The following RHOBTB1 variants were observed in gnomAD, a reference collection of about 807,000 sequenced individuals.
RHOBTB1 encodes the protein Rho related BTB domain containing 1.
In RHOBTB1, 40 loss-of-function variants were observed where a neutral mutation model predicts 71.6. The ratio of observed to expected loss-of-function variants is 0.56; its 90% CI spans 0.43 to 0.73. The LOEUF is 0.73. RHOBTB1 is among the 30% of genes least tolerant of loss of function. RHOBTB1 has a pLI of 0.00. For missense variants in RHOBTB1, 797 were observed against 894.0 expected (o/e 0.89, Z 1.38); for synonymous variants, 319 against 334.9 (o/e 0.95, Z 0.52).
At chr10:60,894,687 T>G (rs909287748) in intron 4 of RHOBTB1, among the ~76,000 whole-genome samples, 1 of 152,194 alleles carries the variant, frequency 6.6e-6, no homozygotes. Context: ...AAAGCCACCA[T>G]GAATTTTGGT....
chr10:60,937,509 C>T (rs2084659212), intron 2 of RHOBTB1, among the ~76,000 whole-genome samples: 1 of 152,116 alleles, frequency 6.6e-6, no homozygotes, highest in African/African-American at 2.4e-5. Flanking sequence ...CTTTGAGATA[C>T]AAAGTTCCAT....
chr10:60,909,201 A>T (rs142659179), intron 4 of RHOBTB1, among the ~76,000 whole-genome samples: 29 of 152,340 alleles, frequency 1.9e-4, no homozygotes, highest in African/African-American at 6.7e-4. Context: ...AATGCTATGC[A>T]GGAATCTCAC....
intron 2 of RHOBTB1, among the ~76,000 whole-genome samples, chr10:60,932,893 T>C (rs376003439): frequency 9.8e-4 from 150 of 152,368 alleles, no homozygotes; most frequent in African/African-American, 3.2e-3. Context: ...AGTTACTCAC[T>C]GAAAGCATTC....
rs146510922 is a variant in RHOBTB1 at position 60,899,980 on chromosome 10, G to A, written c.297-6985C>T. On this transcript the variant is annotated intron_variant, in intron 4 of 10. Coordinates refer to ENST00000337910, the MANE Select transcript of RHOBTB1 (RefSeq NM_014836.5). ...GGGAAGGGAGGGAATCAGTATGCCA[G>A]TATCTGGGGGAAGAACCTAGCAGAA... Among the ~76,000 whole-genome samples the A allele has an allele frequency of 8.5e-5, 13 of 152,246 alleles. 1 individual carries two copies. In the East Asian group the frequency reaches 2.5e-3, roughly 29 times the overall value.
Position 60,870,166 on chromosome 10 carries a change from T to C in RHOBTB1, c.*1316A>G, listed in dbSNP as rs1401775337. On this transcript the variant is annotated 3_prime_UTR_variant, in exon 11 of 11. Coordinates refer to ENST00000337910, the MANE Select transcript of RHOBTB1 (RefSeq NM_014836.5). Reference sequence around the variant, plus strand: ...TGTGTATGTGTGTGCTGTAACATTTTAATTTACAGAGAAGCAATGACTGAC... The same window carrying C: ...TGTGTATGTGTGTGCTGTAACATTTCAATTTACAGAGAAGCAATGACTGAC... 1 of 152,612 alleles carries C rather than the reference T, an allele frequency of 6.6e-6. No individual in the cohort carries two copies. The highest frequency in any genetic ancestry group is 1.5e-5 in the Non-Finnish European group (1 of 68,034). The allele number at this position is 152,612 out of a possible 1,614,324, so 9.5% of individuals were successfully genotyped here. A position where few individuals can be genotyped will look rare whatever the true frequency, so the allele number is the denominator to read the frequency against.
intron 7 of RHOBTB1, among the ~76,000 whole-genome samples, chr10:60,879,033 A>C (rs2081181628): frequency 6.6e-6 from 1 of 152,228 alleles, no homozygotes; most frequent in African/African-American, 2.4e-5. Context: ...ATATTCTTTA[A>C]TTTGATGCTT....
At chr10:60,957,568 C>T (rs985795468) in intron 2 of RHOBTB1, among the ~76,000 whole-genome samples, 6 of 152,112 alleles carry the variant, frequency 3.9e-5, no homozygotes, top group South Asian at 2.1e-4. Flanking sequence ...ATACAAATTC[C>T]CCTCTTCTCC....
chr10:60,934,595 A>T (rs1198312808), intron 2 of RHOBTB1, among the ~76,000 whole-genome samples: 1 of 152,256 alleles, frequency 6.6e-6, no homozygotes, highest in East Asian at 1.9e-4. Context: ...AATCTGATAT[A>T]ACGGTTCATT....
At chr10:60,910,768 C>G in intron 4 of RHOBTB1, 119 bp downstream of exon 4, 1 of 709,498 alleles carries the variant, frequency 1.4e-6, no homozygotes, top group South Asian at 1.7e-5. Context: ...AGACACAGTG[C>G]AGAACCCAGC....
chr10:60,936,558 C>A (rs547131287), intron 2 of RHOBTB1, among the ~76,000 whole-genome samples: 1 of 152,078 alleles, frequency 6.6e-6, no homozygotes, highest in Admixed American at 6.5e-5. Context: ...TAAAATAAGG[C>A]GGTCTGGTTA....
intron 2 of RHOBTB1, among the ~76,000 whole-genome samples, chr10:60,915,207 TCTC>T: frequency 6.6e-6 from 1 of 152,332 alleles, no homozygotes; most frequent in East Asian, 1.9e-4. Context: ...ATTTTATCCT[TCTC>T]CGCTTGTTAT....
intron 7 of RHOBTB1, among the ~76,000 whole-genome samples, chr10:60,883,962 AACACCTTTG>A (rs1469793755): frequency 6.6e-6 from 1 of 152,186 alleles, no homozygotes; most frequent in Non-Finnish European, 1.5e-5. Flanking sequence ...GATGCTCCAA[AACACCTTTG>A]ACCCAAGCTC....
chr10:61,000,397 C>A, intron 1 of RHOBTB1, among the ~76,000 whole-genome samples: 1 of 152,044 alleles, frequency 6.6e-6, no homozygotes, highest in East Asian at 1.9e-4. Flanking sequence ...GTGGCCAACA[C>A]CAGGGGAGAC....
In RHOBTB1 at chr10:60,871,590, ATCT is replaced by A. The variant is rs2080785437; in HGVS notation, c.1980_1982del (p.Glu660del). 7.4e-6 allele frequency: 12 copies of A among 1,613,922 alleles called. No individual in the cohort carries two copies. The highest frequency in any genetic ancestry group is 1.0e-5 in the Non-Finnish European group (12 of 1,179,992). ...GTTCCCTTTTCACACGCTGGTAGTG[ATCT>A]TCTTCCTTCAGGTACCACACAGGGG... is the stretch of plus-strand genomic sequence containing the variant. On this transcript the variant is annotated inframe_deletion, in exon 11 of 11. Coordinates refer to ENST00000337910, the MANE Select transcript of RHOBTB1 (RefSeq NM_014836.5).
intron 2 of RHOBTB1, among the ~76,000 whole-genome samples, chr10:60,920,571 G>A (rs2083501330): frequency 6.6e-6 from 1 of 151,756 alleles, no homozygotes; most frequent in African/African-American, 2.4e-5. Flanking sequence ...TCTAAATGCA[G>A]TGAAAAGCCA....
chr10:60,873,871 C>T (rs2080918360), intron 9 of RHOBTB1, among the ~76,000 whole-genome samples: 1 of 152,280 alleles, frequency 6.6e-6, no homozygotes. Flanking sequence ...TATATGTACA[C>T]GGCCTTTGCC....
chr10:60,996,969 C>G (rs376005127), intron 1 of RHOBTB1, among the ~76,000 whole-genome samples: 27 of 151,888 alleles, frequency 1.8e-4, no homozygotes, highest in African/African-American at 5.6e-4. Flanking sequence ...ACTCTTATTA[C>G]TACTTATCAA....
At chr10:60,997,765 T>G (rs2087107461) in intron 1 of RHOBTB1, among the ~76,000 whole-genome samples, 1 of 152,170 alleles carries the variant, frequency 6.6e-6, no homozygotes, top group Admixed American at 6.5e-5. Flanking sequence ...TAAAAATAGG[T>G]TATACATACT....
intron 1 of RHOBTB1, among the ~76,000 whole-genome samples, chr10:61,000,127 A>G (rs1022156020): frequency 5.9e-5 from 9 of 152,330 alleles, no homozygotes; most frequent in East Asian, 1.9e-4. Flanking sequence ...CAAATCTTTT[A>G]TTAGTTAATC....
Sources: allele counts gnomAD v4.1 joint callset (sites outside exome capture counted in the v4.1 genomes callset), GRCh38; gene constraint gnomAD v4.1.1; transcripts MANE v1.5; gene names NCBI Gene and HGNC (gene_info 2026-07-23, HGNC 2026-07-21).